Variants in CADPS2 observed in about 807,000 individuals in gnomAD.
CADPS2 encodes the protein calcium-dependent secretion activator 2.
A neutral mutation model predicts 172.5 loss-of-function variants in CADPS2; 93 were observed. The observed-to-expected ratio is 0.54, with a 90% CI of 0.46 to 0.64. The LOEUF (loss-of-function observed/expected upper bound fraction) is 0.64, where lower values mean the gene tolerates loss of function less well. Among genes scored for constraint, CADPS2 ranks in the 30% least tolerant of loss-of-function variants. The pLI is 0.00. For synonymous variants in CADPS2, 546 were observed against 555.2 expected (o/e 0.98, Z 0.23); for missense variants, 1,420 against 1,565.9 (o/e 0.91, Z 1.57).
intron 7 of CADPS2, among the ~76,000 whole-genome samples, chr7:122,572,593 A>T (rs1193300516): frequency 3.3e-5 from 5 of 152,162 alleles, no homozygotes; most frequent in African/African-American, 1.2e-4. Context: ...AGAGTTACCC[A>T]GGAGTATATA....
At chr7:122,540,433 ACCTTTCTT>A (rs2062794553) in intron 8 of CADPS2, among the ~76,000 whole-genome samples, 1 of 152,118 alleles carries the variant, frequency 6.6e-6, no homozygotes, top group Non-Finnish European at 1.5e-5. Context: ...ATGATTGTTA[ACCTTTCTT>A]AACCATAGAT....
chr7:122,725,592 T>G, intron 2 of CADPS2, among the ~76,000 whole-genome samples: 1 of 124,032 alleles, frequency 8.1e-6, no homozygotes, highest in Non-Finnish European at 1.6e-5. Context: ...AAAACCACAA[T>G]GAGATAGCAT....
At chr7:122,749,331 A>T (rs1466318701) in intron 1 of CADPS2, among the ~76,000 whole-genome samples, 1 of 152,256 alleles carries the variant, frequency 6.6e-6, no homozygotes, top group East Asian at 1.9e-4. Context: ...ATAGCTGATT[A>T]AAACCAAGGA....
At position 122,617,330 on chromosome 7, in the gene CADPS2, G is replaced by A. The variant is rs1049558607; in HGVS notation, c.1105-2031C>T. ...ATTCTACAGATCTGATATCCAAAAG[G>A]AAAATAAAACATAGGTGGCCTTAAT... On this transcript the variant is annotated intron_variant, in intron 5 of 29. Transcript: ENST00000449022. 2.0e-5 allele frequency among the ~76,000 whole-genome samples: 3 copies of A among 152,046 alleles called. No homozygotes were observed. In the South Asian group the frequency reaches 6.2e-4, roughly 32 times the overall value.
chr7:122,844,622 A>G (rs906243522), intron 1 of CADPS2, among the ~76,000 whole-genome samples: 3 of 152,266 alleles, frequency 2.0e-5, no homozygotes, highest in Non-Finnish European at 4.4e-5. Flanking sequence ...TTAACTAAAT[A>G]GAAAAGTCTT....
intron 1 of CADPS2, among the ~76,000 whole-genome samples, chr7:122,820,854 C>T (rs62482482): frequency 2.5e-5 from 3 of 122,354 alleles, no homozygotes; most frequent in Non-Finnish European, 3.5e-5. Flanking sequence ...CCACCGCGCC[C>T]GGCCGACCTT....
At chr7:122,448,979 G>C (rs1364711529) in intron 15 of CADPS2, among the ~76,000 whole-genome samples, 1 of 152,128 alleles carries the variant, frequency 6.6e-6, no homozygotes, top group East Asian at 1.9e-4. Flanking sequence ...TGGGGATGAA[G>C]CTATCCCATG....
chr7:122,670,720 C>T (rs1168752165), intron 2 of CADPS2, among the ~76,000 whole-genome samples: 2 of 151,636 alleles, frequency 1.3e-5, no homozygotes, highest in Non-Finnish European at 2.9e-5. Flanking sequence ...AGGCTGGTCT[C>T]GAACTCCTGA....
intron 1 of CADPS2, among the ~76,000 whole-genome samples, chr7:122,876,632 G>A (rs1821283855): frequency 6.6e-6 from 1 of 151,740 alleles, no homozygotes; most frequent in Non-Finnish European, 1.5e-5. Flanking sequence ...CAAAATGCTG[G>A]GATTACATGT....
At chr7:122,774,370 T>C (rs2093809486) in intron 1 of CADPS2, among the ~76,000 whole-genome samples, 1 of 151,734 alleles carries the variant, frequency 6.6e-6, no homozygotes, top group Admixed American at 6.6e-5. Flanking sequence ...TTCTTTAAAA[T>C]GTAAAGAGCT....
At chr7:122,383,588 C>T (rs147834125) in intron 24 of CADPS2, among the ~76,000 whole-genome samples, 1,626 of 152,168 alleles carry the variant, frequency 0.011, 12 homozygotes, top group South Asian at 0.018. Flanking sequence ...GCCTGCTTTC[C>T]CGCAGGTGAT....
At chr7:122,636,193 G>A (rs1341711415) in intron 3 of CADPS2, among the ~76,000 whole-genome samples, 1 of 152,160 alleles carries the variant, frequency 6.6e-6, no homozygotes, top group East Asian at 1.9e-4. Context: ...TATGTTGTCT[G>A]TGGGCTGTGT....
intron 3 of CADPS2, among the ~76,000 whole-genome samples, chr7:122,634,551 C>T (rs542118284): frequency 1.4e-4 from 21 of 152,048 alleles, no homozygotes; most frequent in Non-Finnish European, 2.2e-4. Flanking sequence ...TACACTTGTA[C>T]GTATCCTTCT....
chr7:122,684,720 A>G (rs1330748841), intron 2 of CADPS2, among the ~76,000 whole-genome samples: 1 of 152,198 alleles, frequency 6.6e-6, no homozygotes, highest in East Asian at 1.9e-4. Flanking sequence ...GGGAGGAAAG[A>G]GATTTCTAAA....
intron 25 of CADPS2, among the ~76,000 whole-genome samples, chr7:122,376,265 T>G (rs1414662473): frequency 6.6e-6 from 1 of 152,198 alleles, no homozygotes; most frequent in Non-Finnish European, 1.5e-5. Flanking sequence ...ATCAGAGAGA[T>G]ATCTGCACTC....
At chr7:122,361,107 C>T in intron 25 of CADPS2, 94 bp from the exon 26 acceptor site, 3 of 944,810 alleles carry the variant, frequency 3.2e-6, no homozygotes, top group Non-Finnish European at 4.9e-6. Flanking sequence ...TTCCATCGCA[C>T]AAAAATTCAC....
At chr7:122,473,236 A>C (rs185043622) in intron 13 of CADPS2, among the ~76,000 whole-genome samples, 125 of 152,218 alleles carry the variant, frequency 8.2e-4, no homozygotes, top group Non-Finnish European at 1.6e-3. Flanking sequence ...AATAAGGCAA[A>C]TGCTGAACTG....
intron 25 of CADPS2, among the ~76,000 whole-genome samples, chr7:122,369,108 G>T: frequency 2.1e-5 from 3 of 144,628 alleles, no homozygotes; most frequent in South Asian, 2.3e-4. Flanking sequence ...AAGTCTTTCT[G>T]GCTAGAAGAA....
intron 17 of CADPS2, among the ~76,000 whole-genome samples, chr7:122,429,439 A>C (rs1162679865): frequency 2.0e-5 from 3 of 151,596 alleles, no homozygotes; most frequent in Non-Finnish European, 4.4e-5. Flanking sequence ...AAATATTCTA[A>C]AGAAAAAGAC....
Sources: allele counts gnomAD v4.1 joint callset (sites outside exome capture counted in the v4.1 genomes callset), GRCh38; gene constraint gnomAD v4.1.1; transcripts MANE v1.5; gene names NCBI Gene and HGNC (gene_info 2026-07-23, HGNC 2026-07-21).